ZZEF1: variants seen among roughly 807,000 people sequenced by gnomAD.
ZZEF1 encodes the protein zinc finger ZZ-type and EF-hand domain-containing protein 1.
ZZEF1 carries 157 observed loss-of-function variants against 342.8 expected under a neutral mutation model. The ratio of observed to expected loss-of-function variants is 0.46; its 90% CI spans 0.40 to 0.52. The LOEUF (loss-of-function observed/expected upper bound fraction) is 0.52. Ranked by LOEUF, ZZEF1 falls within the 20% of genes least tolerant of loss-of-function variation. The pLI, the probability that ZZEF1 is intolerant of heterozygous loss-of-function variation, is 0.00. For synonymous variants in ZZEF1, 1,505 were observed against 1,429.1 expected (o/e 1.05, Z -1.20); for missense variants, 3,480 against 3,725.6 (o/e 0.93, Z 1.72).
At chr17:4,007,040 C>CCTCAGTG in intron 54 of ZZEF1, 70 bp from the exon 55 acceptor site, 3 of 1,395,376 alleles carry the variant, frequency 2.1e-6, no homozygotes, top group Non-Finnish European at 2.9e-6. Context: ...CTGATAAGAC[C>CCTCAGTG]CTCAGCTGAG....
intron 10 of ZZEF1, 67 bp downstream of exon 10, chr17:4,096,542 C>T: frequency 7.5e-7 from 1 of 1,329,084 alleles, no homozygotes; most frequent in Non-Finnish European, 1.1e-6. Flanking sequence ...TATATACCTA[C>T]TATGTACCCA....
chr17:4,054,487 TTCC>T (rs1232477112), intron 33 of ZZEF1, among the ~76,000 whole-genome samples: 7 of 152,160 alleles, frequency 4.6e-5, no homozygotes, highest in Non-Finnish European at 5.9e-5. Flanking sequence ...AAGGAGATAA[TTCC>T]TCAGGTGAGA....
chr17:4,103,557 T>A (rs964019036), intron 8 of ZZEF1, among the ~76,000 whole-genome samples: 1 of 150,996 alleles, frequency 6.6e-6, no homozygotes, highest in Non-Finnish European at 1.5e-5. Flanking sequence ...AAAAAATAAA[T>A]AAATAAAAAT....
At chr17:4,033,942 C>A in intron 40 of ZZEF1, 73 bp downstream of exon 40, 1 of 1,568,014 alleles carries the variant, frequency 6.4e-7, no homozygotes. Flanking sequence ...AACAGCCAGA[C>A]CTTCAACTTA....
intron 1 of ZZEF1, among the ~76,000 whole-genome samples, chr17:4,124,578 G>C (rs540983894): frequency 7.9e-5 from 12 of 151,588 alleles, no homozygotes; most frequent in Non-Finnish European, 1.8e-4. Flanking sequence ...GAGTAGCTGG[G>C]ACTACAGGCG....
At chr17:4,084,422 T>G (rs190889473) in intron 16 of ZZEF1, among the ~76,000 whole-genome samples, 1 of 152,318 alleles carries the variant, frequency 6.6e-6, no homozygotes, top group African/African-American at 2.4e-5. Context: ...AATTAATATT[T>G]CATTAGGGTT....
rs138720685 is a variant in ZZEF1 at position 4,141,740 on chromosome 17, G to A, written c.354+802C>T. 2.1e-4 allele frequency among the ~76,000 whole-genome samples: 32 copies of A among 151,140 alleles called. No homozygotes were observed. In the East Asian group the frequency reaches 5.0e-3, roughly 24 times the overall value. On this transcript the variant is annotated intron_variant, in intron 1 of 54. Transcript: ENST00000381638. ...AGAAAGAAAAAAAAAAAAAGCAAGAGATCTAGTTGATAGTCTGTTTTACTA... is the reference window on the plus strand; with the variant it reads ...AGAAAGAAAAAAAAAAAAAGCAAGAAATCTAGTTGATAGTCTGTTTTACTA...
chr17:4,017,080 A>G lies in ZZEF1; in HGVS notation c.8001+291T>C. ...GTGTGTGTGAAGGTGGGTGAGGGAC[A>G]GGATCAAAAAGGAGCTACCGAATGT... is the stretch of plus-strand genomic sequence containing the variant. On this transcript the variant is annotated intron_variant, in intron 48 of 54. Transcript: ENST00000381638. The surrounding 1 kb of genome is among the most constrained non-coding windows in gnomAD (Gnocchi z 5.1). 2 of 377,312 alleles carry G rather than the reference A, an allele frequency of 5.3e-6. No individual in the cohort carries two copies. Among genetic ancestry groups the G allele is most frequent in the Middle Eastern group, 7.6e-4 (1 of 1,312 alleles). 23.4% of individuals were successfully genotyped at this position (377,312 alleles called of 1,614,324 possible). A position where few individuals can be genotyped will look rare whatever the true frequency, so the allele number is the denominator to read the frequency against.
At chr17:4,013,302 A>G (rs1395059929) in intron 52 of ZZEF1, 147 bp downstream of exon 52, 4 of 750,550 alleles carry the variant, frequency 5.3e-6, no homozygotes, top group Non-Finnish European at 7.9e-6. Flanking sequence ...CAAGAACGCT[A>G]GCATAAAGCA....
intron 42 of ZZEF1, among the ~76,000 whole-genome samples, chr17:4,029,322 A>C (rs1231547329): frequency 2.0e-5 from 3 of 152,190 alleles, no homozygotes. Flanking sequence ...GATATCTGGA[A>C]TATCCCCCAA....
intron 16 of ZZEF1, 140 bp from the exon 17 acceptor site, chr17:4,082,644 C>CGCTCAAGTACTAAGCGCTCAAGT: frequency 1.4e-6 from 1 of 722,494 alleles, no homozygotes; most frequent in South Asian, 1.7e-5. Flanking sequence ...CACAGCACCC[C>CGCTCAAGTACTAAGCGCTCAAGT]ACTAAAACCC....
At chr17:4,132,945 G>C (rs569851514) in intron 1 of ZZEF1, among the ~76,000 whole-genome samples, 12 of 151,756 alleles carry the variant, frequency 7.9e-5, no homozygotes, top group African/African-American at 2.2e-4. Flanking sequence ...CAGCCTGGGC[G>C]ACAGAGCGAG....
Position 4,114,337 on chromosome 17 carries a change from G to T in ZZEF1, c.828C>A (p.Tyr276Ter). The T allele has an allele frequency of 6.2e-7, 1 of 1,609,688 alleles. No individual in the cohort carries two copies. The highest frequency in any genetic ancestry group is 8.5e-7 in the Non-Finnish European group (1 of 1,178,174). Residue 276 changes from tyrosine to a stop codon, truncating the protein, a stop_gained, in exon 4 of 55, where the codon TAC becomes TAA. Transcript: ENST00000381638. LOFTEE classifies it high-confidence loss of function. ...DKMTNGETSS[Y>*]WQSDGSACSH... is the part of the protein sequence containing the mutation. ...AACAGGCACTGCCATCTGACTGCCA[G>T]TAGGATGAGGTTTCTCCATTTGTCA...
chr17:4,045,869 C>G (rs2056902283), intron 37 of ZZEF1, among the ~76,000 whole-genome samples: 1 of 151,376 alleles, frequency 6.6e-6, no homozygotes, highest in South Asian at 2.1e-4. Flanking sequence ...GCTCTGTTAC[C>G]CAGGCTGGAG....
chr17:4,071,385 A>G, intron 25 of ZZEF1: 1 of 157,674 alleles, frequency 6.3e-6, no homozygotes, highest in Non-Finnish European at 1.4e-5. Context: ...AGAGTCAGAT[A>G]GGTAAGGTGA....
intron 18 of ZZEF1, among the ~76,000 whole-genome samples, chr17:4,080,886 C>A (rs2057711179): frequency 6.6e-6 from 1 of 152,188 alleles, no homozygotes; most frequent in African/African-American, 2.4e-5. Flanking sequence ...CATGCCCTCA[C>A]TCGTTTGCAA....
At chr17:4,039,681 T>C (rs1237407018) in intron 39 of ZZEF1, among the ~76,000 whole-genome samples, 2 of 145,740 alleles carry the variant, frequency 1.4e-5, no homozygotes, top group African/African-American at 2.6e-5. Flanking sequence ...TCTCACTCTG[T>C]CGCCCAGGCT....
Position 4,109,670 on chromosome 17 carries a change from T to C in ZZEF1, c.1260A>G (p.Thr420=). 3.1e-6 allele frequency: 5 copies of C among 1,614,128 alleles called. No homozygotes were observed. The East Asian group carries it at 1.1e-4, about 36-fold the overall frequency. Residue 420 remains threonine, a synonymous_variant, in exon 6 of 55, where the codon ACA becomes ACG. Coordinates refer to ENST00000381638, the MANE Select transcript of ZZEF1 (RefSeq NM_015113.4). ...SMETNPAFVQ[T]VLHNTQKALR... ...TGACTTACTGAGTATTGTGCAGCAC[T>C]GTCTGGACAAAGGCGGGATTTGTCT... is the stretch of plus-strand genomic sequence containing the variant.
At position 4,085,732 on chromosome 17, in the gene ZZEF1, T is replaced by C. The variant is rs763276127; in HGVS notation, c.2584A>G (p.Asn862Asp). ...TTAGGAAAGAAGATGGCAGCCCCAT[T>C]GAGAAGGGTATTCCTGACTTCTTGT... ...LKQEVRNTLL[N>D]GAAIFFPNRQ... is the part of the protein sequence containing the mutation. Residue 862 changes from asparagine (N) to aspartate (D), a missense_variant, in exon 16 of 55, where the codon AAT (asparagine) becomes GAT (aspartate). Around this residue, in one of 5 missense-constraint regions of ZZEF1, gnomAD observed 1,528 missense variants for 1,624.1 expected, o/e 0.94. Coordinates refer to ENST00000381638, the MANE Select transcript of ZZEF1 (RefSeq NM_015113.4). The C allele has an allele frequency of 3.1e-6, 5 of 1,614,118 alleles. No individual in the cohort carries two copies. Among genetic ancestry groups the C allele is most frequent in the Non-Finnish European group, 4.2e-6 (5 of 1,179,980 alleles).
Sources: gnomAD v4.1 joint callset for allele counts (sites outside exome capture counted in the v4.1 genomes callset) on GRCh38, gnomAD v4.1.1 for gene constraint, gnomAD v4.1.1 regional missense constraint, Gnocchi (gnomAD v3.1) non-coding constraint, MANE v1.5 for transcripts, NCBI Gene and HGNC (gene_info 2026-07-23, HGNC 2026-07-21) for gene names.